Variants in WNT2B observed in about 807,000 individuals in gnomAD.
The protein encoded by WNT2B is protein Wnt-2b.
A neutral mutation model predicts 40.5 loss-of-function variants in WNT2B; 19 were observed. The observed-to-expected ratio is 0.47, with a 90% confidence interval of 0.33 to 0.69. WNT2B has a LOEUF of 0.69. Among genes scored for constraint, WNT2B ranks in the 30% least tolerant of loss-of-function variants. WNT2B has a pLI of 0.02. For synonymous variants in WNT2B, 220 were observed against 211.9 expected (o/e 1.04, Z -0.33); for missense variants, 467 against 556.4 (o/e 0.84, Z 1.62).
chr1:112,525,830 C>A lies in WNT2B; in HGVS notation c.*5321C>A. On this transcript the variant is annotated 3_prime_UTR_variant, in exon 5 of 5. Transcript: ENST00000369684. The stretch of plus-strand genomic sequence containing the variant: ...TTTCATCTACAGTTGTCCTTTTTGA[C>A]AGCTTCCAAGGGGGGTTTGCCTAGG... The A allele has an allele frequency of 1.4e-6, 1 of 716,670 alleles. No individual in the cohort carries two copies. The highest frequency in any genetic ancestry group is 1.8e-5 in the African/African-American group (1 of 56,612). 44.4% of individuals were successfully genotyped at this position (716,670 alleles called of 1,614,324 possible).
intron 1 of WNT2B, among the ~76,000 whole-genome samples, chr1:112,496,465 A>G (rs993679931): frequency 1.3e-5 from 2 of 152,200 alleles, no homozygotes; most frequent in African/African-American, 4.8e-5. Context: ...CATCTAAATC[A>G]CATATGAGTG....
chr1:112,484,222 T>TATATATATACACATATATATACAC (rs758495364), intron 1 of WNT2B, among the ~76,000 whole-genome samples: 5 of 123,364 alleles, frequency 4.1e-5, no homozygotes, highest in African/African-American at 1.5e-4. Flanking sequence ...TATATACACA[T>TATATATATACACATATATATACAC]ATATATATAC....
chr1:112,501,421 T>C (rs1368874712), intron 1 of WNT2B, among the ~76,000 whole-genome samples: 4 of 152,044 alleles, frequency 2.6e-5, no homozygotes, highest in African/African-American at 9.7e-5. Context: ...TAGTAGGGAG[T>C]TGTATGTCAC....
intron 1 of WNT2B, among the ~76,000 whole-genome samples, chr1:112,502,435 C>G (rs1651990187): frequency 6.6e-6 from 1 of 152,248 alleles, no homozygotes; most frequent in South Asian, 2.1e-4. Context: ...GGAGACCCGG[C>G]TAAATGATAC....
At chr1:112,507,320 T>C (rs1652138399), upstream of WNT2B, among the ~76,000 whole-genome samples, 1 of 152,214 alleles carries the variant, frequency 6.6e-6, no homozygotes, top group Admixed American at 6.5e-5. Context: ...CATGAGGGCA[T>C]AGACTGTTCA....
At chr1:112,494,313 A>G (rs1358873082) in intron 1 of WNT2B, among the ~76,000 whole-genome samples, 1 of 151,430 alleles carries the variant, frequency 6.6e-6, no homozygotes. Flanking sequence ...CCGTTTCAAA[A>G]AAAAAAATTA....
At chr1:112,510,293 C>A (rs769031948) in intron 1 of WNT2B, among the ~76,000 whole-genome samples, 1 of 152,174 alleles carries the variant, frequency 6.6e-6, no homozygotes. Flanking sequence ...TGGCACTCAT[C>A]ACCTTCCCGT....
intron 1 of WNT2B, among the ~76,000 whole-genome samples, chr1:112,486,566 A>G (rs1003162628): frequency 6.6e-6 from 1 of 152,210 alleles, no homozygotes; most frequent in East Asian, 1.9e-4. Context: ...GAATGAAAAG[A>G]CAAGCCATTA....
intron 1 of WNT2B, among the ~76,000 whole-genome samples, chr1:112,512,495 AG>A (rs1423694033): frequency 3.3e-5 from 5 of 152,208 alleles, no homozygotes; most frequent in Admixed American, 2.0e-4. Flanking sequence ...TTGAGTAGCA[AG>A]GGGCTAGAGT....
chr1:112,479,234 T>A (rs546628634), intron 1 of WNT2B, among the ~76,000 whole-genome samples: 17 of 150,256 alleles, frequency 1.1e-4, no homozygotes, highest in African/African-American at 4.2e-4. Flanking sequence ...AATAAATAAA[T>A]AAATAAAAAT....
chr1:112,525,402 G>A lies in WNT2B; in HGVS notation c.*4893G>A, dbSNP rs949100287. 1 of 152,246 alleles carries A rather than the reference G, an allele frequency of 6.6e-6. No individual in the cohort carries two copies. 9.4% of individuals were successfully genotyped at this position (152,246 alleles called of 1,614,324 possible). ...GGCAGGTATAGGGCAATAGCCAGTG[G>A]GGTGTCAGTAATATGCCCTGTCCCT... is the stretch of plus-strand genomic sequence containing the variant. On this transcript the variant is annotated 3_prime_UTR_variant, in exon 5 of 5. Coordinates refer to ENST00000369684, the MANE Select transcript of WNT2B (RefSeq NM_024494.3).
intron 1 of WNT2B, among the ~76,000 whole-genome samples, chr1:112,513,462 G>A (rs2101086899): frequency 6.7e-6 from 1 of 150,328 alleles, no homozygotes. Flanking sequence ...GAAGAGGCAA[G>A]CATCAGCCCT....
At chr1:112,486,201 G>C (rs1651413938) in intron 1 of WNT2B, among the ~76,000 whole-genome samples, 1 of 150,680 alleles carries the variant, frequency 6.6e-6, no homozygotes, top group Non-Finnish European at 1.5e-5. Flanking sequence ...CTAGCACTTT[G>C]GGAGGCCAAG....
At chr1:112,511,559 C>G (rs772458737) in intron 1 of WNT2B, among the ~76,000 whole-genome samples, 3 of 152,212 alleles carry the variant, frequency 2.0e-5, no homozygotes, top group Non-Finnish European at 4.4e-5. Context: ...CACTCTGGAG[C>G]AGAAGGCCAT....
At position 112,520,886 on chromosome 1, in the gene WNT2B, GCTT is replaced by G. The variant is rs1652834873; in HGVS notation, c.*381_*383del. On this transcript the variant is annotated 3_prime_UTR_variant, in exon 5 of 5. Transcript: ENST00000369684. ...GCAAGAGGAAGGGTACCTGTAGAGA[GCTT>G]CTTTTTGTTTCTACCTGGCCAAAGT... The G allele has an allele frequency of 4.9e-6, 1 of 205,714 alleles. No homozygotes were observed. Among genetic ancestry groups the G allele is most frequent in the Non-Finnish European group, 9.8e-6 (1 of 101,662 alleles). 12.7% of individuals were successfully genotyped at this position (205,714 alleles called of 1,614,324 possible). A position where few individuals can be genotyped will look rare whatever the true frequency, so the allele number is the denominator to read the frequency against.
chr1:112,490,083 C>A (rs1372014469), intron 1 of WNT2B, among the ~76,000 whole-genome samples: 1 of 151,802 alleles, frequency 6.6e-6, no homozygotes, highest in Non-Finnish European at 1.5e-5. Context: ...ATGCCTATTA[C>A]CAGGGGAAGG....
At chr1:112,517,787 C>A in intron 4 of WNT2B, 1 of 163,186 alleles carries the variant, frequency 6.1e-6, no homozygotes, top group Admixed American at 6.2e-5. Flanking sequence ...AATGGGTAGA[C>A]AAATGCAAAG....
In WNT2B at chr1:112,515,417, A is replaced by G. The variant is rs762754152; in HGVS notation, c.403+323A>G. On this transcript the variant is annotated intron_variant, in intron 2 of 4. Coordinates refer to ENST00000369684, the MANE Select transcript of WNT2B (RefSeq NM_024494.3). This position sits in a 1 kb window ranked among gnomAD's most constrained non-coding sequence, Gnocchi z 4.4. The stretch of plus-strand genomic sequence containing the variant: ...ACCATGTACTGTAAGGCTGAGGTCT[A>G]TGATAGGCCCTCTGTTCTTAACACC... Among the ~76,000 whole-genome samples, 4 of 152,164 alleles carry G rather than the reference A, an allele frequency of 2.6e-5. No individual in the cohort carries two copies. The highest frequency in any genetic ancestry group is 4.4e-5 in the Non-Finnish European group (3 of 68,028).
At chr1:112,502,311 G>T (rs1267146259) in intron 1 of WNT2B, among the ~76,000 whole-genome samples, 1 of 152,160 alleles carries the variant, frequency 6.6e-6, no homozygotes, top group East Asian at 1.9e-4. Flanking sequence ...CGGCCCTGGG[G>T]CCCGCCAGAG....
Sources: allele counts gnomAD v4.1 joint callset (sites outside exome capture counted in the v4.1 genomes callset), GRCh38; gene constraint gnomAD v4.1.1; non-coding constraint Gnocchi (gnomAD v3.1); transcripts MANE v1.5; gene names NCBI Gene and HGNC (gene_info 2026-07-23, HGNC 2026-07-21).